ROBO1: variants seen among roughly 807,000 people sequenced by gnomAD.
ROBO1 encodes the protein roundabout homolog 1.
A neutral mutation model predicts 195.9 loss-of-function variants in ROBO1; 149 were observed. The ratio of observed to expected loss-of-function variants is 0.76; its 90% CI spans 0.67 to 0.87. ROBO1 has a LOEUF of 0.87. Among genes scored for constraint, ROBO1 ranks in the 40% least tolerant of loss-of-function variants. The probability of loss-of-function intolerance (pLI) is 0.00; values close to 1 mark genes in which losing one functional copy is unlikely to be tolerated. For missense variants in ROBO1, 1,933 were observed against 2,068.3 expected, an observed-to-expected ratio of 0.93 and a Z score of 1.27; for synonymous variants, 816 against 733.2, an observed-to-expected ratio of 1.11 and a Z score of -1.82.
chr3:78,938,698 A>G lies in ROBO1; in HGVS notation c.402T>C (p.His134=). 4 of 1,614,022 alleles carry G rather than the reference A, an allele frequency of 2.5e-6. No homozygotes were observed. The highest frequency in any genetic ancestry group is 3.4e-6 in the Non-Finnish European group (4 of 1,179,906). Reference sequence around the variant, plus strand: ...CTTCATCAGGTCTACTTTTCCGTCCATGTACTATACGTAAGAAAAATAAAG... The same window carrying G: ...CTTCATCAGGTCTACTTTTCCGTCCGTGTACTATACGTAAGAAAAATAAAG... ...SGSLFFLRIV[H]GRKSRPDEGV... Residue 134 remains histidine (H), a synonymous_variant, in exon 4 of 31, where the codon CAT becomes CAC. Coordinates refer to ENST00000464233, the MANE Select transcript of ROBO1 (RefSeq NM_002941.4).
chr3:79,082,751 C>A (rs767417904), intron 3 of ROBO1, among the ~76,000 whole-genome samples: 1 of 152,094 alleles, frequency 6.6e-6, no homozygotes, highest in African/African-American at 2.4e-5. Flanking sequence ...ACTCCCATGC[C>A]TCTTGGCTCA....
At chr3:79,461,998 A>G (rs1937665264) in intron 2 of ROBO1, among the ~76,000 whole-genome samples, 1 of 152,180 alleles carries the variant, frequency 6.6e-6, no homozygotes, top group African/African-American at 2.4e-5. Context: ...TAATATTGGC[A>G]AATATAATAG....
At chr3:79,019,448 T>C (rs914065395) in intron 3 of ROBO1, 2 of 986,280 alleles carry the variant, frequency 2.0e-6, no homozygotes, top group Non-Finnish European at 2.4e-6. Context: ...CTGCCTCCTC[T>C]CCAGCTCAAT....
intron 2 of ROBO1, among the ~76,000 whole-genome samples, chr3:79,569,350 G>C (rs938669482): frequency 1.3e-5 from 2 of 152,146 alleles, no homozygotes; most frequent in African/African-American, 4.8e-5. Flanking sequence ...CTGATAAAGA[G>C]ATTAAACTAT....
intron 1 of ROBO1, among the ~76,000 whole-genome samples, chr3:79,735,167 G>A (rs1241222873): frequency 2.0e-5 from 3 of 152,174 alleles, no homozygotes; most frequent in Non-Finnish European, 4.4e-5. Context: ...TATTTGGGTG[G>A]TTTGTGTGCA....
At chr3:78,699,007 T>C (rs1316159221) in intron 8 of ROBO1, among the ~76,000 whole-genome samples, 1 of 152,188 alleles carries the variant, frequency 6.6e-6, no homozygotes, top group Non-Finnish European at 1.5e-5. Flanking sequence ...ACTATAATTT[T>C]GATGGTAATA....
chr3:78,745,042 G>A (rs1419208240), intron 5 of ROBO1, among the ~76,000 whole-genome samples: 1 of 152,110 alleles, frequency 6.6e-6, no homozygotes, highest in East Asian at 1.9e-4. Context: ...GGGCGTGGTG[G>A]CTCATGCCTG....
intron 2 of ROBO1, among the ~76,000 whole-genome samples, chr3:79,287,628 T>C (rs1185482383): frequency 6.6e-6 from 1 of 152,124 alleles, no homozygotes; most frequent in Non-Finnish European, 1.5e-5. Flanking sequence ...ACCACCAACA[T>C]TCCATATTAA....
intron 2 of ROBO1, among the ~76,000 whole-genome samples, chr3:79,150,261 T>C (rs984818404): frequency 6.6e-6 from 1 of 151,636 alleles, no homozygotes; most frequent in Non-Finnish European, 1.5e-5. Flanking sequence ...TTTTTTTTTT[T>C]CAGTTTTTAC....
chr3:78,693,187 G>A, intron 8 of ROBO1: 3 of 886,524 alleles, frequency 3.4e-6, no homozygotes, highest in East Asian at 2.8e-5. Context: ...CATACTTCCT[G>A]CAGACTTTAT....
chr3:79,703,608 T>A (rs1161434701), intron 1 of ROBO1, among the ~76,000 whole-genome samples: 1 of 151,940 alleles, frequency 6.6e-6, no homozygotes, highest in African/African-American at 2.4e-5. Flanking sequence ...ACTCTATTAA[T>A]GCCATGTCTC....
chr3:79,191,773 AT>A (rs1254781947), intron 2 of ROBO1, among the ~76,000 whole-genome samples: 1 of 151,472 alleles, frequency 6.6e-6, no homozygotes, highest in Non-Finnish European at 1.5e-5. Flanking sequence ...TTCTAAAAAA[AT>A]CAAAGGGTAT....
At chr3:79,714,404 A>C (rs1702395682) in intron 1 of ROBO1, among the ~76,000 whole-genome samples, 1 of 152,106 alleles carries the variant, frequency 6.6e-6, no homozygotes, top group East Asian at 1.9e-4. Flanking sequence ...GTTGGTGGGA[A>C]TGTAAACTAG....
At chr3:79,175,588 G>T (rs1466189687) in intron 2 of ROBO1, among the ~76,000 whole-genome samples, 1 of 152,170 alleles carries the variant, frequency 6.6e-6, no homozygotes, top group Non-Finnish European at 1.5e-5. Context: ...TAGCGCCTAA[G>T]ATACTTGCTT....
intron 4 of ROBO1, among the ~76,000 whole-genome samples, chr3:78,876,286 G>A (rs2035842060): frequency 6.6e-6 from 1 of 151,990 alleles, no homozygotes; most frequent in African/African-American, 2.4e-5. Flanking sequence ...ACATAAACTA[G>A]TGCATGGATT....
At chr3:79,664,682 C>G (rs1273100635) in intron 1 of ROBO1, among the ~76,000 whole-genome samples, 2 of 152,086 alleles carry the variant, frequency 1.3e-5, no homozygotes, top group South Asian at 4.2e-4. Context: ...AGAGAAGGCA[C>G]GATCCCATTC....
In ROBO1 at chr3:78,932,454, C is replaced by A. The variant is rs1363810024; in HGVS notation, c.499+6147G>T. Among the ~76,000 whole-genome samples, 3 of 152,274 alleles carry A rather than the reference C, an allele frequency of 2.0e-5. No individual in the cohort carries two copies. In the East Asian group the frequency reaches 5.8e-4, roughly 29 times the overall value. On this transcript the variant is annotated intron_variant, in intron 4 of 30. Coordinates refer to ENST00000464233, the MANE Select transcript of ROBO1 (RefSeq NM_002941.4). Reference sequence around the variant, plus strand: ...GAGACTGGTAATAAAATACGTCACCCTTAACCCCAAGATTACCAGATTGAA... The same window carrying A: ...GAGACTGGTAATAAAATACGTCACCATTAACCCCAAGATTACCAGATTGAA...
At chr3:79,661,422 G>A (rs192010461) in intron 1 of ROBO1, among the ~76,000 whole-genome samples, 4 of 152,170 alleles carry the variant, frequency 2.6e-5, no homozygotes, top group African/African-American at 7.2e-5. Context: ...GATTATTTTA[G>A]TCTTACTAAA....
At chr3:79,552,028 A>G (rs1351964762) in intron 2 of ROBO1, among the ~76,000 whole-genome samples, 5 of 124,062 alleles carry the variant, frequency 4.0e-5, no homozygotes, top group African/African-American at 1.6e-4. Flanking sequence ...AGCTCGAGAC[A>G]TTTTGCTACA....
Sources: allele counts gnomAD v4.1 joint callset (sites outside exome capture counted in the v4.1 genomes callset), GRCh38; gene constraint gnomAD v4.1.1; transcripts MANE v1.5; gene names NCBI Gene and HGNC (gene_info 2026-07-23, HGNC 2026-07-21).